The following PDGFC variants were observed in gnomAD, a reference collection of about 807,000 sequenced individuals.
PDGFC encodes the protein platelet-derived growth factor C.
PDGFC carries 12 observed loss-of-function variants against 35.5 expected under a neutral mutation model. The observed-to-expected ratio is 0.34, with a 90% CI of 0.22 to 0.55. The LOEUF is 0.55. Ranked by LOEUF, PDGFC falls within the 20% of genes least tolerant of loss-of-function variation. The probability of loss-of-function intolerance (pLI) is 0.91; values close to 1 mark genes in which losing one functional copy is unlikely to be tolerated. For synonymous variants in PDGFC, 159 were observed against 148.8 expected (o/e 1.07, Z -0.50); for missense variants, 322 against 412.4 (o/e 0.78, Z 1.90).
At chr4:156,967,043 T>G (rs1732484016) in intron 1 of PDGFC, among the ~76,000 whole-genome samples, 1 of 148,938 alleles carries the variant, frequency 6.7e-6, no homozygotes, top group Non-Finnish European at 1.5e-5. Context: ...TTTTTTTTTG[T>G]AAAAAAGCCT....
intron 1 of PDGFC, among the ~76,000 whole-genome samples, chr4:156,869,111 A>T (rs951655235): frequency 2.0e-5 from 3 of 152,108 alleles, no homozygotes; most frequent in Non-Finnish European, 2.9e-5. Flanking sequence ...TGATGAAGAG[A>T]TCTTCAATTT....
chr4:156,893,689 C>T (rs930433641), intron 1 of PDGFC, among the ~76,000 whole-genome samples: 7 of 151,616 alleles, frequency 4.6e-5, no homozygotes, highest in African/African-American at 1.7e-4. Context: ...AAAAATCTTG[C>T]TTATGCAAGG....
intron 2 of PDGFC, among the ~76,000 whole-genome samples, chr4:156,845,025 A>G (rs968845763): frequency 1.3e-5 from 2 of 151,942 alleles, no homozygotes; most frequent in Non-Finnish European, 2.9e-5. Context: ...GAAGCAAATG[A>G]AGCAATTATT....
chr4:156,826,353 C>G (rs1247585482), intron 2 of PDGFC, among the ~76,000 whole-genome samples: 2 of 151,646 alleles, frequency 1.3e-5, no homozygotes, highest in Admixed American at 1.3e-4. Flanking sequence ...CAGGCACCTG[C>G]CACCTCGCCC....
chr4:156,782,980 A>G lies in PDGFC; in HGVS notation c.496-10087T>C, dbSNP rs141322341. ...TTAGGTAATGACTATAACGGAAGTA[A>G]AAACCCAAGTGCTGTGAGTGTGATT... is the stretch of plus-strand genomic sequence containing the variant. On this transcript the variant is annotated intron_variant, in intron 3 of 5. Coordinates refer to ENST00000502773, the MANE Select transcript of PDGFC (RefSeq NM_016205.3). Among the ~76,000 whole-genome samples, 78 of 152,308 alleles carry G rather than the reference A, an allele frequency of 5.1e-4. 2 individuals carry two copies. The East Asian group carries it at 0.014, about 27-fold the overall frequency.
intron 2 of PDGFC, among the ~76,000 whole-genome samples, chr4:156,834,341 G>C (rs1293243364): frequency 6.6e-6 from 1 of 152,022 alleles, no homozygotes; most frequent in African/African-American, 2.4e-5. Context: ...TTTTCTCAAA[G>C]TACACTAAGA....
At chr4:156,846,911 T>C (rs1401974836) in intron 2 of PDGFC, among the ~76,000 whole-genome samples, 11 of 151,956 alleles carry the variant, frequency 7.2e-5, no homozygotes, top group East Asian at 1.9e-4. Flanking sequence ...ATACTCAATA[T>C]TGACATGTTA....
chr4:156,946,653 C>T (rs933793586), intron 1 of PDGFC, among the ~76,000 whole-genome samples: 4 of 151,990 alleles, frequency 2.6e-5, no homozygotes, highest in Non-Finnish European at 5.9e-5. Flanking sequence ...CAGAAAGACA[C>T]GTCATGATGA....
chr4:156,906,059 A>G (rs978539867), intron 1 of PDGFC, among the ~76,000 whole-genome samples: 2 of 152,156 alleles, frequency 1.3e-5, no homozygotes, highest in African/African-American at 4.8e-5. Context: ...ATACATATGC[A>G]TGTTTATGTA....
chr4:156,870,237 T>G (rs1004658011), intron 1 of PDGFC, among the ~76,000 whole-genome samples: 6 of 152,180 alleles, frequency 3.9e-5, no homozygotes, highest in Non-Finnish European at 8.8e-5. Flanking sequence ...TTTCTATATA[T>G]TTATAACACT....
intron 4 of PDGFC, 55 bp from the exon 5 acceptor site, chr4:156,768,045 A>C: frequency 1.0e-6 from 1 of 996,372 alleles, no homozygotes; most frequent in South Asian, 1.3e-5. Flanking sequence ...TTGAGCCTGA[A>C]TGTATTTCAT....
At chr4:156,890,819 A>T (rs1579080332) in intron 1 of PDGFC, among the ~76,000 whole-genome samples, 1 of 152,342 alleles carries the variant, frequency 6.6e-6, no homozygotes, top group East Asian at 1.9e-4. Context: ...AATTTAAAGA[A>T]TATCTTTTAA....
At chr4:156,834,244 G>A (rs1560832895) in intron 2 of PDGFC, among the ~76,000 whole-genome samples, 1 of 152,076 alleles carries the variant, frequency 6.6e-6, no homozygotes, top group Non-Finnish European at 1.5e-5. Flanking sequence ...GTCACAATTT[G>A]CAGCATGATA....
intron 1 of PDGFC, among the ~76,000 whole-genome samples, chr4:156,906,039 T>C (rs765291461): frequency 1.3e-5 from 2 of 152,162 alleles, no homozygotes; most frequent in East Asian, 1.9e-4. Flanking sequence ...GAGATATACA[T>C]TTATAATCTA....
chr4:156,777,802 TA>T (rs937425195), intron 3 of PDGFC, among the ~76,000 whole-genome samples: 8 of 152,126 alleles, frequency 5.3e-5, no homozygotes, highest in African/African-American at 9.7e-5. Context: ...AGCATTTATT[TA>T]AAAACCTGTA....
chr4:156,874,629 A>G (rs1317606705), intron 1 of PDGFC, among the ~76,000 whole-genome samples: 1 of 152,220 alleles, frequency 6.6e-6, no homozygotes, highest in Non-Finnish European at 1.5e-5. Context: ...CTTGAGAAAA[A>G]GGAAAGAAGA....
chr4:156,927,481 T>C (rs1470357824), intron 1 of PDGFC, among the ~76,000 whole-genome samples: 1 of 152,212 alleles, frequency 6.6e-6, no homozygotes, highest in East Asian at 1.9e-4. Context: ...GGTCACCTCT[T>C]GAATGCTTTG....
intron 1 of PDGFC, among the ~76,000 whole-genome samples, chr4:156,969,665 T>A (rs570240022): frequency 4.6e-5 from 7 of 152,310 alleles, no homozygotes; most frequent in Non-Finnish European, 5.9e-5. Flanking sequence ...GCACATCCTA[T>A]CTTAATTTTG....
chr4:156,938,191 C>T (rs749508188), intron 1 of PDGFC, among the ~76,000 whole-genome samples: 1 of 151,752 alleles, frequency 6.6e-6, no homozygotes, highest in Non-Finnish European at 1.5e-5. Flanking sequence ...AATTTTGATC[C>T]AATCATTCAA....
Sources: allele counts gnomAD v4.1 joint callset (sites outside exome capture counted in the v4.1 genomes callset), GRCh38; gene constraint gnomAD v4.1.1; transcripts MANE v1.5; gene names NCBI Gene and HGNC (gene_info 2026-07-23, HGNC 2026-07-21).